PCDH15: variants seen among roughly 807,000 people sequenced by gnomAD.
PCDH15 encodes the protein protocadherin-15.
Under a neutral mutation model 178.5 loss-of-function variants are expected in PCDH15, and 129 were observed. That is an observed-to-expected ratio of 0.72 (90% CI 0.63 to 0.84). The LOEUF (loss-of-function observed/expected upper bound fraction) is 0.84, where lower values mean the gene tolerates loss of function less well. Among genes scored for constraint, PCDH15 ranks in the 40% least tolerant of loss-of-function variants. PCDH15 has a pLI of 0.00. For synonymous variants in PCDH15, 800 were observed against 732.0 expected (o/e 1.09, Z -1.50); for missense variants, 2,230 against 2,099.9 (o/e 1.06, Z -1.21).
intron 2 of PCDH15, among the ~76,000 whole-genome samples, chr10:55,411,100 C>A (rs1838320105): frequency 6.6e-6 from 1 of 152,054 alleles, no homozygotes; most frequent in African/African-American, 2.4e-5. Flanking sequence ...AACAGGATTT[C>A]ATGTCCTTAG....
At chr10:54,920,655 A>T (rs1276506216) in intron 2 of PCDH15, among the ~76,000 whole-genome samples, 1 of 152,122 alleles carries the variant, frequency 6.6e-6, no homozygotes. Flanking sequence ...TTGAACCCGC[A>T]GAATACACAA....
At chr10:54,956,962 T>C (rs889625126) in intron 2 of PCDH15, among the ~76,000 whole-genome samples, 1 of 151,650 alleles carries the variant, frequency 6.6e-6, no homozygotes, top group African/African-American at 2.4e-5. Context: ...TGTCCAAAGC[T>C]GAACCACTGT....
intron 15 of PCDH15, among the ~76,000 whole-genome samples, chr10:54,117,544 C>A (rs1447779835): frequency 6.6e-6 from 1 of 152,116 alleles, no homozygotes; most frequent in Non-Finnish European, 1.5e-5. Context: ...TTAGTCCTGC[C>A]CAACCAGCAG....
At chr10:55,255,544 G>C (rs890432562) in intron 1 of PCDH15, among the ~76,000 whole-genome samples, 10 of 152,096 alleles carry the variant, frequency 6.6e-5, no homozygotes, top group African/African-American at 2.4e-4. Context: ...TTCCACAATG[G>C]TTGAACTAGT....
At chr10:54,752,535 AAAAC>A (rs1390607298) in intron 1 of PCDH15, among the ~76,000 whole-genome samples, 3 of 147,864 alleles carry the variant, frequency 2.0e-5, no homozygotes, top group African/African-American at 7.4e-5. Flanking sequence ...CAAACAAAAA[AAAAC>A]AATAAAACAA....
intron 20 of PCDH15, among the ~76,000 whole-genome samples, chr10:54,002,064 CATGTATATATATACA>C (rs2092172534): frequency 8.6e-5 from 3 of 35,030 alleles, no homozygotes; most frequent in African/African-American, 5.6e-4. Flanking sequence ...TATATATATA[CATGTATATATATACA>C]TATATGTATA....
intron 2 of PCDH15, among the ~76,000 whole-genome samples, chr10:55,560,134 A>G (rs1375199755): frequency 6.6e-6 from 1 of 151,968 alleles, no homozygotes; most frequent in Non-Finnish European, 1.5e-5. Context: ...GGCCTGCCAC[A>G]TTTAGAAATT....
intron 1 of PCDH15, among the ~76,000 whole-genome samples, chr10:54,706,142 T>C (rs1271305182): frequency 6.6e-6 from 1 of 152,204 alleles, no homozygotes; most frequent in Non-Finnish European, 1.5e-5. Flanking sequence ...TCCAGAGTAA[T>C]GCTGATTACA....
intron 18 of PCDH15, among the ~76,000 whole-genome samples, chr10:54,043,672 C>T (rs895830947): frequency 7.9e-5 from 12 of 152,100 alleles, no homozygotes; most frequent in Middle Eastern, 3.4e-3. Context: ...TACAGGTGAG[C>T]CACTACCCCT....
intron 3 of PCDH15, among the ~76,000 whole-genome samples, chr10:54,384,430 A>C (rs1289105891): frequency 6.6e-6 from 1 of 151,988 alleles, no homozygotes; most frequent in Non-Finnish European, 1.5e-5. Context: ...TGTGATTTAA[A>C]ATATAAACTT....
intron 2 of PCDH15, among the ~76,000 whole-genome samples, chr10:55,052,583 G>T: frequency 7.0e-6 from 1 of 141,852 alleles, no homozygotes; most frequent in African/African-American, 2.6e-5. Context: ...ATGGTGGTGT[G>T]TGCCTGTAGT....
intron 28 of PCDH15, among the ~76,000 whole-genome samples, chr10:53,847,996 C>T (rs556858279): frequency 1.1e-4 from 17 of 151,912 alleles, no homozygotes; most frequent in South Asian, 8.3e-4. Context: ...CTGATACAAA[C>T]GGAATTCTCT....
At chr10:55,546,782 C>G (rs1841890836) in intron 2 of PCDH15, among the ~76,000 whole-genome samples, 1 of 152,060 alleles carries the variant, frequency 6.6e-6, no homozygotes, top group African/African-American at 2.4e-5. Flanking sequence ...CGAAATAGTA[C>G]TAGTCACTAG....
At chr10:54,432,141 G>C (rs982153711) in intron 3 of PCDH15, among the ~76,000 whole-genome samples, 1 of 151,932 alleles carries the variant, frequency 6.6e-6, no homozygotes, top group Admixed American at 6.6e-5. Context: ...AATGTCCATA[G>C]TACCCACAGC....
chr10:54,685,948 ATG>A (rs1032559222), intron 1 of PCDH15, among the ~76,000 whole-genome samples: 7 of 151,482 alleles, frequency 4.6e-5, no homozygotes, highest in African/African-American at 9.7e-5. Context: ...TATATAAAAT[ATG>A]TGTGTGTGTG....
chr10:54,368,262 C>T (rs1007577826), intron 5 of PCDH15, among the ~76,000 whole-genome samples: 32 of 152,000 alleles, frequency 2.1e-4, no homozygotes, highest in African/African-American at 7.2e-4. Flanking sequence ...CCCAAATGAT[C>T]TGTTTAATTC....
chr10:54,080,685 G>A (rs1051930659), intron 16 of PCDH15, among the ~76,000 whole-genome samples: 3 of 152,246 alleles, frequency 2.0e-5, no homozygotes, highest in African/African-American at 2.4e-5. Flanking sequence ...AATGGTTGAC[G>A]TGGACTTTTT....
intron 13 of PCDH15, among the ~76,000 whole-genome samples, chr10:54,154,625 T>C (rs928468143): frequency 3.9e-5 from 6 of 152,178 alleles, no homozygotes; most frequent in Admixed American, 3.9e-4. Context: ...ACAAAGTACT[T>C]TATACACTGT....
At chr10:55,341,788 TATATA>T (rs1844579548) in intron 2 of PCDH15, among the ~76,000 whole-genome samples, 1 of 12,246 alleles carries the variant, frequency 8.2e-5, no homozygotes, top group Non-Finnish European at 1.8e-4. Flanking sequence ...TATATATATA[TATATA>T]TATATATATA....
Sources: allele counts gnomAD v4.1 joint callset (sites outside exome capture counted in the v4.1 genomes callset), GRCh38; gene constraint gnomAD v4.1.1; transcripts MANE v1.5; gene names NCBI Gene and HGNC (gene_info 2026-07-23, HGNC 2026-07-21).